The following SLCO3A1 variants were observed in gnomAD, a reference collection of about 807,000 sequenced individuals.
SLCO3A1 encodes solute carrier organic anion transporter family member 3A1.
In SLCO3A1, 27 loss-of-function variants were observed where a neutral mutation model predicts 63.1. That is an observed-to-expected ratio of 0.43 (90% CI 0.32 to 0.59). The LOEUF is 0.59. Ranked by LOEUF, SLCO3A1 falls within the 20% of genes least tolerant of loss-of-function variation. SLCO3A1 has a pLI of 0.09. For synonymous variants in SLCO3A1, 473 were observed against 409.9 expected (o/e 1.15, Z -1.86); for missense variants, 773 against 945.8 (o/e 0.82, Z 2.40).
rs146471586 is a variant in SLCO3A1 at position 91,969,545 on chromosome 15, G to T, written c.646+53087G>T. Among the ~76,000 whole-genome samples, 518 of 152,232 alleles carry T rather than the reference G, an allele frequency of 3.4e-3. 3 individuals carry two copies. Among genetic ancestry groups the T allele is most frequent in the African/African-American group, 0.012 (506 of 41,536 alleles). ...TGGTCTCAAACTCCTCACCTCAGGT[G>T]GTCCACCCACCTTGGCCTCCCAAAG... On this transcript the variant is annotated intron_variant, in intron 2 of 9. Coordinates refer to ENST00000318445, the MANE Select transcript of SLCO3A1 (RefSeq NM_013272.4).
At chr15:91,889,582 A>G (rs1251011047) in intron 1 of SLCO3A1, among the ~76,000 whole-genome samples, 1 of 152,216 alleles carries the variant, frequency 6.6e-6, no homozygotes, top group Non-Finnish European at 1.5e-5. Flanking sequence ...TATATAGCAT[A>G]ATTATTGCAC....
At chr15:91,928,917 G>A (rs1344270921) in intron 2 of SLCO3A1, among the ~76,000 whole-genome samples, 1 of 152,194 alleles carries the variant, frequency 6.6e-6, no homozygotes, top group Non-Finnish European at 1.5e-5. Flanking sequence ...TTGGACTTGA[G>A]TGTTTCACTC....
chr15:92,009,342 C>T (rs966831171), intron 2 of SLCO3A1, among the ~76,000 whole-genome samples: 4 of 152,200 alleles, frequency 2.6e-5, no homozygotes, highest in Non-Finnish European at 4.4e-5. Flanking sequence ...GTGTCCTGGG[C>T]TCCTTCACAT....
chr15:91,902,055 G>T (rs1218035479), intron 1 of SLCO3A1, among the ~76,000 whole-genome samples: 5 of 151,712 alleles, frequency 3.3e-5, no homozygotes. Context: ...TATTTTCCAA[G>T]TTTACTGATT....
At chr15:92,108,631 T>G (rs1327164636) in intron 4 of SLCO3A1, among the ~76,000 whole-genome samples, 1 of 152,256 alleles carries the variant, frequency 6.6e-6, no homozygotes, top group Non-Finnish European at 1.5e-5. Flanking sequence ...CCGGCATCTC[T>G]TGCCCTGAGA....
intron 9 of SLCO3A1, among the ~76,000 whole-genome samples, chr15:92,159,567 G>GTT (rs11455940): frequency 0.022 from 3,066 of 137,740 alleles, 110 homozygotes; most frequent in African/African-American, 0.071. Flanking sequence ...ACTTTGGTAG[G>GTT]TTTTTTTTTT....
chr15:91,938,482 G>GT (rs71156621), intron 2 of SLCO3A1, among the ~76,000 whole-genome samples: 1,642 of 136,098 alleles, frequency 0.012, 30 homozygotes, highest in African/African-American at 0.035. Flanking sequence ...GGTTTTTTTT[G>GT]TTTTTTTTTT....
intron 9 of SLCO3A1, among the ~76,000 whole-genome samples, chr15:92,152,543 G>C (rs1045592301): frequency 4.6e-5 from 7 of 152,230 alleles, no homozygotes; most frequent in African/African-American, 1.7e-4. Context: ...TTCCTGGGAA[G>C]CTGTAGTAGC....
At chr15:91,999,277 AAAAT>A (rs2046225928) in intron 2 of SLCO3A1, among the ~76,000 whole-genome samples, 1 of 152,234 alleles carries the variant, frequency 6.6e-6, no homozygotes, top group African/African-American at 2.4e-5. Context: ...TCCTGAATCT[AAAAT>A]AAAAATTGAA....
chr15:92,009,287 C>A (rs1301169499), intron 2 of SLCO3A1, among the ~76,000 whole-genome samples: 3 of 152,198 alleles, frequency 2.0e-5, no homozygotes, highest in African/African-American at 7.2e-5. Context: ...CTGCTGGGGT[C>A]ATAGTCCAGG....
At chr15:92,108,542 T>C (rs2047691733) in intron 4 of SLCO3A1, among the ~76,000 whole-genome samples, 1 of 152,234 alleles carries the variant, frequency 6.6e-6, no homozygotes, top group African/African-American at 2.4e-5. Context: ...GGGACTGTAA[T>C]AGACATACGT....
chr15:91,940,113 A>G (rs1020432242), intron 2 of SLCO3A1, among the ~76,000 whole-genome samples: 1 of 151,878 alleles, frequency 6.6e-6, no homozygotes, highest in African/African-American at 2.4e-5. Context: ...TCCTGGCCCT[A>G]CCACTTCAAA....
intron 2 of SLCO3A1, among the ~76,000 whole-genome samples, chr15:91,926,248 T>G (rs1899006200): frequency 6.6e-6 from 1 of 152,180 alleles, no homozygotes; most frequent in Non-Finnish European, 1.5e-5. Flanking sequence ...CCTCTCCACC[T>G]TTCTCCCTAC....
intron 2 of SLCO3A1, among the ~76,000 whole-genome samples, chr15:91,998,409 G>A (rs145547477): frequency 2.8e-4 from 42 of 152,124 alleles, no homozygotes; most frequent in African/African-American, 8.2e-4. Context: ...TGCCGAGATC[G>A]AGCCATTGCA....
chr15:92,049,080 C>A (rs1355611403), intron 2 of SLCO3A1, among the ~76,000 whole-genome samples: 2 of 152,140 alleles, frequency 1.3e-5, no homozygotes, highest in Non-Finnish European at 2.9e-5. Flanking sequence ...GCTGGTCTGA[C>A]GTCAAAACCC....
Position 91,853,800 on chromosome 15 carries a change from G to A in SLCO3A1, c.-109G>A, listed in dbSNP as rs1896837046. On this transcript the variant is annotated 5_prime_UTR_variant, in exon 1 of 10. Coordinates refer to ENST00000318445, the MANE Select transcript of SLCO3A1 (RefSeq NM_013272.4). ...GGGCGGCCGCCGCGAACCCGGGGCG[G>A]GGACAGCACGCAGCCTCGAGGCGCG... 4 of 1,049,130 alleles carry A rather than the reference G, an allele frequency of 3.8e-6. No homozygotes were observed. The East Asian group carries it at 1.7e-4, about 45-fold the overall frequency. The allele number at this position is 1,049,130 out of a possible 1,614,324, so 65.0% of individuals were successfully genotyped here. A position where few individuals can be genotyped will look rare whatever the true frequency, so the allele number is the denominator to read the frequency against.
intron 1 of SLCO3A1, among the ~76,000 whole-genome samples, chr15:91,884,592 A>G (rs1278456582): frequency 6.6e-6 from 1 of 152,072 alleles, no homozygotes; most frequent in African/African-American, 2.4e-5. Context: ...TTAAAATAAA[A>G]CTTATTGATT....
chr15:92,012,309 G>A (rs1026731781), intron 2 of SLCO3A1, among the ~76,000 whole-genome samples: 1 of 152,218 alleles, frequency 6.6e-6, no homozygotes, highest in Non-Finnish European at 1.5e-5. Context: ...ATAAGAGCAG[G>A]AAAGGGCTCA....
intron 2 of SLCO3A1, among the ~76,000 whole-genome samples, chr15:91,945,425 G>A (rs992605769): frequency 1.3e-5 from 2 of 151,962 alleles, no homozygotes; most frequent in Admixed American, 1.3e-4. Context: ...CCCTGGCCTC[G>A]TTTACATTCT....
Sources: gnomAD v4.1 joint callset for allele counts (sites outside exome capture counted in the v4.1 genomes callset) on GRCh38, gnomAD v4.1.1 for gene constraint, MANE v1.5 for transcripts, NCBI Gene and HGNC (gene_info 2026-07-23, HGNC 2026-07-21) for gene names.